PGCKA1: variants seen among roughly 807,000 people sequenced by gnomAD.
The protein encoded by PGCKA1 is PDCD10 and GCKIII kinases-associated protein 1.
At chr4:37,542,124 G>A in the PGCKA1 span, among the ~76,000 whole-genome samples, 1 of 152,178 alleles carries the variant, frequency 6.6e-6, no homozygotes, top group Non-Finnish European at 1.5e-5. Context: ...GAATCTCTGA[G>A]GTGGTCACTC....
the PGCKA1 span, among the ~76,000 whole-genome samples, chr4:37,483,295 T>C: frequency 1.3e-5 from 2 of 152,346 alleles, no homozygotes; most frequent in Non-Finnish European, 2.9e-5. Context: ...CTTTTCTTTA[T>C]AAATTACCCA....
chr4:37,552,167 A>G, the PGCKA1 span, among the ~76,000 whole-genome samples: 1 of 152,194 alleles, frequency 6.6e-6, no homozygotes, highest in Non-Finnish European at 1.5e-5. Flanking sequence ...TTAGAACCCA[A>G]TGTTACCCAT....
chr4:37,565,310 G>A, the PGCKA1 span, among the ~76,000 whole-genome samples: 3 of 152,096 alleles, frequency 2.0e-5, no homozygotes, highest in African/African-American at 7.2e-5. Context: ...CTTCGCATGG[G>A]GCCATATTTA....
chr4:37,540,994 C>G, the PGCKA1 span, among the ~76,000 whole-genome samples: 1 of 151,940 alleles, frequency 6.6e-6, no homozygotes, highest in Non-Finnish European at 1.5e-5. Flanking sequence ...CACAAACAGC[C>G]CGTCCACTCT....
chr4:37,464,125 T>C, the PGCKA1 span, among the ~76,000 whole-genome samples: 1 of 152,190 alleles, frequency 6.6e-6, no homozygotes, highest in Non-Finnish European at 1.5e-5. Flanking sequence ...CTCTATTCAG[T>C]TTAAGTGAGC....
chr4:37,592,994 T>A, the PGCKA1 span, among the ~76,000 whole-genome samples: 1 of 152,234 alleles, frequency 6.6e-6, no homozygotes, highest in African/African-American at 2.4e-5. Context: ...GACGGCACCC[T>A]TACAAATGCT....
chr4:37,506,978 A>G, the PGCKA1 span, among the ~76,000 whole-genome samples: 1 of 152,098 alleles, frequency 6.6e-6, no homozygotes, highest in South Asian at 2.1e-4. Flanking sequence ...AGGTGCATAT[A>G]TATTTATAAT....
At chr4:37,588,691 C>A in the PGCKA1 span, 1 of 574,378 alleles carries the variant, frequency 1.7e-6, no homozygotes. Context: ...TCCTGGTAAC[C>A]AGCACCCTCT....
At chr4:37,517,994 A>C in the PGCKA1 span, among the ~76,000 whole-genome samples, 1 of 152,206 alleles carries the variant, frequency 6.6e-6, no homozygotes, top group African/African-American at 2.4e-5. Context: ...AGATCCCACA[A>C]ATAAGTGAGA....
chr4:37,527,538 A>G, the PGCKA1 span, among the ~76,000 whole-genome samples: 1 of 151,894 alleles, frequency 6.6e-6, no homozygotes, highest in Non-Finnish European at 1.5e-5. Context: ...TACTTTTATG[A>G]GCCGGGCATT....
At chr4:37,477,494 TG>T in the PGCKA1 span, among the ~76,000 whole-genome samples, 1 of 152,166 alleles carries the variant, frequency 6.6e-6, no homozygotes, top group Non-Finnish European at 1.5e-5. Flanking sequence ...GGCACAACTC[TG>T]AATATGCAAA....
At chr4:37,592,726 AC>A in the PGCKA1 span, among the ~76,000 whole-genome samples, 3 of 152,188 alleles carry the variant, frequency 2.0e-5, no homozygotes. Context: ...GTATCCCTTT[AC>A]CCATCTGTAA....
chr4:37,504,202 A>G, the PGCKA1 span, among the ~76,000 whole-genome samples: 2 of 152,048 alleles, frequency 1.3e-5, no homozygotes, highest in African/African-American at 4.8e-5. Context: ...TTGCCAACGT[A>G]CACTCTTGGC....
the PGCKA1 span, among the ~76,000 whole-genome samples, chr4:37,517,563 A>G: frequency 6.6e-6 from 1 of 152,018 alleles, no homozygotes; most frequent in African/African-American, 2.4e-5. Context: ...TAATGGGTTG[A>G]ATCAATTCTT....
the PGCKA1 span, chr4:37,460,919 G>A: frequency 7.6e-6 from 3 of 395,550 alleles, no homozygotes; most frequent in Non-Finnish European, 1.5e-5. Context: ...CCATGCCTAT[G>A]TCCTGAGTGG....
At chr4:37,540,100 C>A in the PGCKA1 span, among the ~76,000 whole-genome samples, 19 of 152,002 alleles carry the variant, frequency 1.2e-4, no homozygotes, top group African/African-American at 4.6e-4. Context: ...GGACATAAAC[C>A]CTTGAAAAAA....
At chr4:37,591,039 C>G in the PGCKA1 span, 1 of 1,542,256 alleles carries the variant, frequency 6.5e-7, no homozygotes, top group Non-Finnish European at 8.8e-7. Flanking sequence ...TGGTGTCATG[C>G]TGAGCATGCA....
the PGCKA1 span, among the ~76,000 whole-genome samples, chr4:37,544,899 G>A: frequency 4.8e-3 from 720 of 149,686 alleles, 5 homozygotes; most frequent in Middle Eastern, 0.048. Context: ...CTCTTGTTGC[G>A]CAGGCTGGAG....
chr4:37,590,891 C>G, the PGCKA1 span: 1 of 1,614,124 alleles, frequency 6.2e-7, no homozygotes, highest in South Asian at 1.1e-5. Flanking sequence ...ACCCATGGCT[C>G]CGATGGAGAT....
Sources: gnomAD v4.1 joint callset for allele counts (sites outside exome capture counted in the v4.1 genomes callset) on GRCh38, gnomAD v4.1.1 for gene constraint, MANE v1.5 for transcripts, NCBI Gene and HGNC (gene_info 2026-07-23, HGNC 2026-07-21) for gene names.